LRP2: variants seen among roughly 807,000 people sequenced by gnomAD.
The protein encoded by LRP2 is LDL receptor related protein 2.
LRP2 carries 172 observed loss-of-function variants against 531.0 expected under a neutral mutation model. That is an observed-to-expected ratio of 0.32 (90% CI 0.29 to 0.37). LRP2 has a LOEUF of 0.37. Ranked by LOEUF, LRP2 falls within the 10% of genes least tolerant of loss-of-function variation. LRP2 has a pLI of 1.00. For missense variants in LRP2, 5,167 were observed against 5,868.3 expected (o/e 0.88, Z 3.90); for synonymous variants, 1,992 against 2,027.6 (o/e 0.98, Z 0.47).
chr2:169,217,772 C>T (rs951618017), intron 34 of LRP2, among the ~76,000 whole-genome samples: 1 of 152,120 alleles, frequency 6.6e-6, no homozygotes, highest in East Asian at 1.9e-4. Flanking sequence ...TCATAAATTT[C>T]GAATTCCTTC....
intron 9 of LRP2, among the ~76,000 whole-genome samples, chr2:169,284,549 A>G (rs1172997367): frequency 6.6e-6 from 1 of 152,028 alleles, no homozygotes; most frequent in Non-Finnish European, 1.5e-5. Context: ...CTGCAGGCGT[A>G]AGCCACCGCA....
intron 64 of LRP2, 29 bp from the exon 65 acceptor site, chr2:169,156,434 A>C (rs1237485508): frequency 6.2e-7 from 1 of 1,612,798 alleles, no homozygotes; most frequent in Non-Finnish European, 8.5e-7. Flanking sequence ...CAAATACGCA[A>C]CATCTGTTCC....
chr2:169,275,635 G>A (rs944167958), intron 13 of LRP2, among the ~76,000 whole-genome samples: 2 of 152,132 alleles, frequency 1.3e-5, no homozygotes, highest in African/African-American at 2.4e-5. Context: ...GGGAAAAGAT[G>A]CCTTTGCCAA....
At chr2:169,357,077 A>G (rs1574286585) in intron 1 of LRP2, among the ~76,000 whole-genome samples, 1 of 152,146 alleles carries the variant, frequency 6.6e-6, no homozygotes, top group South Asian at 2.1e-4. Context: ...ACTCAAGACT[A>G]TAAAGTTAAT....
chr2:169,348,203 T>C (rs1486897005), intron 1 of LRP2, among the ~76,000 whole-genome samples: 1 of 152,228 alleles, frequency 6.6e-6, no homozygotes, highest in Non-Finnish European at 1.5e-5. Flanking sequence ...AATAATTTAG[T>C]CACTTTTATT....
At chr2:169,240,906 A>G in intron 25 of LRP2, 82 bp downstream of exon 25, 1 of 1,542,496 alleles carries the variant, frequency 6.5e-7, no homozygotes, top group Non-Finnish European at 8.9e-7. Context: ...AAAGCTACAC[A>G]GTGACTGTGA....
In LRP2 at chr2:169,178,042, GA is replaced by G; in HGVS notation, c.10170-17del. ...ATCAGAGTACCTGCAGCAGTAAGCAGAAACAGTTATGTGATAAAGGTAATTC... is the reference window on the plus strand; with the variant it reads ...ATCAGAGTACCTGCAGCAGTAAGCAGAACAGTTATGTGATAAAGGTAATTC... On this transcript the variant is annotated splice_polypyrimidine_tract_variant and intron_variant, in intron 52 of 78. Coordinates refer to ENST00000649046, the MANE Select transcript of LRP2 (RefSeq NM_004525.3). 6.3e-7 allele frequency: 1 copy of G among 1,581,994 alleles called. No individual in the cohort carries two copies. The highest frequency in any genetic ancestry group is 8.7e-7 in the Non-Finnish European group (1 of 1,152,626).
At position 169,196,997 on chromosome 2, in the gene LRP2, C is replaced by T. The variant is rs1254596329; in HGVS notation, c.8612G>A (p.Cys2871Tyr). The change falls in exon 46 of 79, where the codon TGC becomes TAC. Residue 2871 changes from cysteine (C) to tyrosine (Y), a missense_variant. Coordinates refer to ENST00000649046, the MANE Select transcript of LRP2 (RefSeq NM_004525.3). ...TTGAGGAATACAGCGCCCAGATGCG[C>T]ATTGGAACTCACTGCTGCTGCACGT... ...THTCSSSEFQ[C>Y]ASGRCIPQHW... The T allele has an allele frequency of 6.2e-7, 1 of 1,613,972 alleles. No homozygotes were observed. Among genetic ancestry groups the T allele is most frequent in the African/African-American group, 1.3e-5 (1 of 74,948 alleles).
chr2:169,263,645 G>T (rs1482604106), intron 16 of LRP2, among the ~76,000 whole-genome samples: 1 of 150,878 alleles, frequency 6.6e-6, no homozygotes, highest in East Asian at 2.0e-4. Context: ...TACACTGTTG[G>T]TGGGACTGTA....
intron 1 of LRP2, among the ~76,000 whole-genome samples, chr2:169,329,784 C>T (rs980144735): frequency 2.0e-5 from 3 of 152,186 alleles, no homozygotes; most frequent in African/African-American, 4.8e-5. Context: ...AAAGCAGGTC[C>T]GCTTGCATGG....
At chr2:169,161,064 G>C (rs542775602) in intron 63 of LRP2, among the ~76,000 whole-genome samples, 138 of 152,314 alleles carry the variant, frequency 9.1e-4, no homozygotes, top group African/African-American at 3.2e-3. Flanking sequence ...CTAGAGTTTG[G>C]AGAAGGGCCT....
intron 76 of LRP2, among the ~76,000 whole-genome samples, chr2:169,136,292 G>C (rs937636959): frequency 2.0e-5 from 3 of 151,756 alleles, no homozygotes; most frequent in African/African-American, 4.8e-5. Context: ...GAAACACTGC[G>C]CATTATCTCT....
chr2:169,175,071 G>T, intron 55 of LRP2, 122 bp downstream of exon 55: 2 of 846,156 alleles, frequency 2.4e-6, no homozygotes, highest in Non-Finnish European at 3.9e-6. Flanking sequence ...TGGAGCCTGA[G>T]TTTCCTTCTA....
chr2:169,198,795 T>C lies in LRP2; in HGVS notation c.8569A>G (p.Thr2857Ala), dbSNP rs763191804. The part of the protein sequence containing the change: ...DCGDNSDENP[T>A]YCTTHTCSSS... ...GTTTTATCTTACTCACTGCAATAAG[T>C]AGGGTTTTCATCACTGTTATCTCCA... The change falls in exon 45 of 79, where the codon ACT becomes GCT. Residue 2857 changes from threonine (T) to alanine (A), a missense_variant. Around this residue, in one of 6 missense-constraint regions of LRP2, gnomAD observed 1,129 missense variants for 1,362.7 expected, o/e 0.83. Transcript: ENST00000649046. The C allele has an allele frequency of 6.8e-6, 11 of 1,613,678 alleles. No individual in the cohort carries two copies. The highest frequency in any genetic ancestry group is 6.8e-6 in the Non-Finnish European group (8 of 1,179,816).
intron 1 of LRP2, among the ~76,000 whole-genome samples, chr2:169,329,926 G>A (rs1468308101): frequency 6.6e-6 from 1 of 152,234 alleles, no homozygotes; most frequent in East Asian, 1.9e-4. Flanking sequence ...ATTAGTGCCT[G>A]AGCTCCGCCT....
chr2:169,172,977 A>G, intron 57 of LRP2, 119 bp downstream of exon 57: 1 of 1,354,936 alleles, frequency 7.4e-7, no homozygotes, highest in South Asian at 1.2e-5. Flanking sequence ...CCATTTTTTT[A>G]CAGAGGTAAA....
chr2:169,305,919 A>G (rs530051370), intron 4 of LRP2, among the ~76,000 whole-genome samples: 1 of 152,208 alleles, frequency 6.6e-6, no homozygotes, highest in East Asian at 1.9e-4. Flanking sequence ...GTAGCCTAGG[A>G]GCAACAGTAT....
At chr2:169,285,119 G>A (rs1683818456) in intron 9 of LRP2, among the ~76,000 whole-genome samples, 1 of 150,920 alleles carries the variant, frequency 6.6e-6, no homozygotes, top group Admixed American at 6.6e-5. Context: ...GACTAGCCTG[G>A]GCAATATGGC....
chr2:169,179,812 TA>T (rs1224944148), intron 52 of LRP2, among the ~76,000 whole-genome samples: 2 of 114,634 alleles, frequency 1.7e-5, no homozygotes, highest in Non-Finnish European at 4.1e-5. Flanking sequence ...GCATGCTCTA[TA>T]AAAATCTATT....
Sources: allele counts gnomAD v4.1 joint callset (sites outside exome capture counted in the v4.1 genomes callset), GRCh38; gene constraint gnomAD v4.1.1; regional missense constraint gnomAD v4.1.1; transcripts MANE v1.5; gene names NCBI Gene and HGNC (gene_info 2026-07-23, HGNC 2026-07-21).